SLC35A3: variants seen among roughly 807,000 people sequenced by gnomAD.
The protein encoded by SLC35A3 is solute carrier family 35 member A3.
A neutral mutation model predicts 39.0 loss-of-function variants in SLC35A3; 26 were observed. That is an observed-to-expected ratio of 0.67 (90% CI 0.49 to 0.92). The LOEUF is 0.92. SLC35A3 is among the 40% of genes least tolerant of loss of function. The pLI is 0.00. For missense variants in SLC35A3, 299 were observed against 371.6 expected, an observed-to-expected ratio of 0.80 and a Z score of 1.61; for synonymous variants, 135 against 133.1, an observed-to-expected ratio of 1.01 and a Z score of -0.10.
At chr1:99,996,650 A>G (rs940965945) in intron 2 of SLC35A3, among the ~76,000 whole-genome samples, 2 of 152,132 alleles carry the variant, frequency 1.3e-5, no homozygotes, top group African/African-American at 4.8e-5. Context: ...AGGCAGGAGG[A>G]TTGCTTAAGC....
At position 100,001,444 on chromosome 1, in the gene SLC35A3, AT is replaced by A. The variant is rs201815263; in HGVS notation, c.342+2039del. Among the ~76,000 whole-genome samples the A allele has an allele frequency of 5.8e-4, 86 of 147,398 alleles. 1 individual carries two copies. The highest frequency in any genetic ancestry group is 5.6e-3 in the South Asian group (26 of 4,668). ...CTTCCTTGGTTAAATTTATTCCCAG[AT>A]TTTTTTTTTGTAGCTATTGGAAATA... On this transcript the variant is annotated intron_variant, in intron 3 of 7. Transcript: ENST00000533028.
At chr1:99,986,043 C>T (rs915076073) in intron 1 of SLC35A3, among the ~76,000 whole-genome samples, 1 of 152,004 alleles carries the variant, frequency 6.6e-6, no homozygotes, top group Admixed American at 6.6e-5. Context: ...TCCTGTTTAT[C>T]AATTTGGATG....
At chr1:99,988,867 A>G (rs1208435412) in intron 1 of SLC35A3, among the ~76,000 whole-genome samples, 1 of 152,072 alleles carries the variant, frequency 6.6e-6, no homozygotes, top group Non-Finnish European at 1.5e-5. Context: ...CCTGGGCTCA[A>G]GCCATCCTCC....
At chr1:99,993,913 A>C (rs1381979080) in intron 2 of SLC35A3, among the ~76,000 whole-genome samples, 172 bp downstream of exon 2, 1 of 152,086 alleles carries the variant, frequency 6.6e-6, no homozygotes, top group African/African-American at 2.4e-5. Flanking sequence ...AAGCCATTTT[A>C]ATCTGTATCA....
chr1:99,994,764 G>GT (rs1195110384), intron 2 of SLC35A3, among the ~76,000 whole-genome samples: 1 of 152,162 alleles, frequency 6.6e-6, no homozygotes, highest in Non-Finnish European at 1.5e-5. Context: ...TAATGCTTCA[G>GT]TAGATGTACA....
At position 100,029,803 on chromosome 1, in the gene SLC35A3, A is replaced by C. The variant is rs1477359993; in HGVS notation, c.*7327A>C. 1.3e-5 allele frequency: 2 copies of C among 152,140 alleles called. No individual in the cohort carries two copies. The highest frequency in any genetic ancestry group is 2.9e-5 in the Non-Finnish European group (2 of 68,026). The allele number at this position is 152,140 out of a possible 1,614,324, so 9.4% of individuals were successfully genotyped here. ...GTCAAATGATTCTGAACATAACATG[A>C]ATCTAGTGTGGAAAAATGTTTATAA... On this transcript the variant is annotated 3_prime_UTR_variant, in exon 8 of 8. Coordinates refer to ENST00000533028, the MANE Select transcript of SLC35A3 (RefSeq NM_012243.3).
intron 3 of SLC35A3, among the ~76,000 whole-genome samples, chr1:100,005,035 G>C (rs1004386140): frequency 2.0e-5 from 3 of 152,200 alleles, no homozygotes; most frequent in African/African-American, 7.2e-5. Context: ...GGGATTACAG[G>C]CATGAGCCTC....
intron 1 of SLC35A3, among the ~76,000 whole-genome samples, chr1:99,971,014 G>T (rs1331274103): frequency 6.6e-6 from 1 of 152,038 alleles, no homozygotes; most frequent in Non-Finnish European, 1.5e-5. Flanking sequence ...TGCTAAATAT[G>T]CTCGTCTTTC....
At chr1:100,017,511 T>C (rs1398729292) in intron 6 of SLC35A3, among the ~76,000 whole-genome samples, 171 bp from the exon 7 acceptor site, 3 of 152,190 alleles carry the variant, frequency 2.0e-5, no homozygotes, top group Admixed American at 6.5e-5. Context: ...AAGAGGGCTA[T>C]TGAACAAAAC....
At chr1:99,987,320 A>G (rs1050320814) in intron 1 of SLC35A3, among the ~76,000 whole-genome samples, 12 of 152,244 alleles carry the variant, frequency 7.9e-5, no homozygotes, top group African/African-American at 2.2e-4. Flanking sequence ...AGATGATTAC[A>G]AAGTCTATGT....
chr1:100,013,486 G>A (rs903927437), intron 5 of SLC35A3, among the ~76,000 whole-genome samples: 5 of 150,848 alleles, frequency 3.3e-5, no homozygotes, highest in African/African-American at 1.2e-4. Flanking sequence ...GGTAGCGTGT[G>A]CCTGTGGTCC....
intron 1 of SLC35A3, among the ~76,000 whole-genome samples, chr1:99,992,105 A>G (rs12141808): frequency 0.031 from 4,709 of 152,188 alleles, 92 homozygotes; most frequent in Middle Eastern, 0.044. Context: ...CAGATTTTCT[A>G]TATTCTTACT....
intron 1 of SLC35A3, among the ~76,000 whole-genome samples, chr1:99,980,039 G>A (rs1264151409): frequency 1.3e-5 from 2 of 149,496 alleles, no homozygotes; most frequent in Non-Finnish European, 3.0e-5. Context: ...GCAAGACTCT[G>A]TCTCTCTCTC....
Position 100,029,231 on chromosome 1 carries a change from C to T in SLC35A3, c.*6755C>T, listed in dbSNP as rs1382734720. On this transcript the variant is annotated 3_prime_UTR_variant, in exon 8 of 8. Coordinates refer to ENST00000533028, the MANE Select transcript of SLC35A3 (RefSeq NM_012243.3). ...AGGTTATCTCGTTAGCATAAACTGT[C>T]AAGTGTTGTCTAAGGAACCCACAAT... is the stretch of plus-strand genomic sequence containing the variant. 6.6e-6 allele frequency: 1 copy of T among 152,094 alleles called. No individual in the cohort carries two copies. Among genetic ancestry groups the T allele is most frequent in the Non-Finnish European group, 1.5e-5 (1 of 68,024 alleles). 9.4% of individuals were successfully genotyped at this position (152,094 alleles called of 1,614,324 possible).
chr1:99,990,591 A>C (rs1260767348), intron 1 of SLC35A3, among the ~76,000 whole-genome samples: 2 of 152,160 alleles, frequency 1.3e-5, no homozygotes, highest in African/African-American at 4.8e-5. Flanking sequence ...TAAATAAATA[A>C]AAATACATAG....
Position 100,024,568 on chromosome 1 carries a change from AACAC to A in SLC35A3, c.*2111_*2114del, listed in dbSNP as rs770036841. Reference sequence around the variant, plus strand: ...TCCGTCTCAAAAAAAAAAAAAAGAAAACACACACACACACACACACACCCACAGT... The same window carrying A: ...TCCGTCTCAAAAAAAAAAAAAAGAAAACACACACACACACACACCCACAGT... On this transcript the variant is annotated 3_prime_UTR_variant, in exon 8 of 8. Transcript: ENST00000533028. 50 of 203,224 alleles carry A rather than the reference AACAC, an allele frequency of 2.5e-4. No individual in the cohort carries two copies. The highest frequency in any genetic ancestry group is 8.4e-4 in the Admixed American group (14 of 16,594). 12.6% of individuals were successfully genotyped at this position (203,224 alleles called of 1,614,324 possible). A position where few individuals can be genotyped will look rare whatever the true frequency, so the allele number is the denominator to read the frequency against.
intron 1 of SLC35A3, among the ~76,000 whole-genome samples, chr1:99,974,366 G>A (rs954131167): frequency 2.0e-5 from 3 of 152,042 alleles, no homozygotes; most frequent in Non-Finnish European, 2.9e-5. Flanking sequence ...GGGAAAGGAG[G>A]GACAGAGAGA....
chr1:100,014,800 T>A (rs999960524), intron 5 of SLC35A3, among the ~76,000 whole-genome samples: 1 of 152,164 alleles, frequency 6.6e-6, no homozygotes, highest in African/African-American at 2.4e-5. Flanking sequence ...CTTTGTCTTG[T>A]AGTCATAATA....
At chr1:100,007,261 ATGTTTTTC>A in intron 4 of SLC35A3, 105 bp downstream of exon 4, 1 of 1,045,376 alleles carries the variant, frequency 9.6e-7, no homozygotes, top group Non-Finnish European at 1.4e-6. Flanking sequence ...AAACCAACAA[ATGTTTTTC>A]CCCACAACTA....
Sources: allele counts gnomAD v4.1 joint callset (sites outside exome capture counted in the v4.1 genomes callset), GRCh38; gene constraint gnomAD v4.1.1; transcripts MANE v1.5; gene names NCBI Gene and HGNC (gene_info 2026-07-23, HGNC 2026-07-21).